USP38: variants seen among roughly 807,000 people sequenced by gnomAD.
USP38 encodes ubiquitin carboxyl-terminal hydrolase 38.
In USP38, 49 loss-of-function variants were observed where a neutral mutation model predicts 94.3. That is an observed-to-expected ratio of 0.52 (90% CI 0.41 to 0.66). USP38 has a LOEUF of 0.66. USP38 is among the 30% of genes least tolerant of loss of function. The probability of loss-of-function intolerance (pLI) is 0.00; values close to 1 mark genes in which losing one functional copy is unlikely to be tolerated. For synonymous variants in USP38, 468 were observed against 463.6 expected (o/e 1.01, Z -0.12); for missense variants, 1,128 against 1,229.4 (o/e 0.92, Z 1.23).
At chr4:143,188,022 A>G in intron 2 of USP38, 61 bp downstream of exon 2, 2 of 1,498,800 alleles carry the variant, frequency 1.3e-6, no homozygotes, top group Admixed American at 4.5e-5. Context: ...AGTATTTTGT[A>G]TTTTGTGAGT....
rs1732295716 is a variant in USP38 at position 143,220,484 on chromosome 4, C to T, written c.*28C>T. On this transcript the variant is annotated 3_prime_UTR_variant, in exon 10 of 10. Transcript: ENST00000307017. ...CTGAGAGAGTCCAAAATGCACTGGTCACGAAACGTCTAATACTATGACTGT... is the reference window on the plus strand; with the variant it reads ...CTGAGAGAGTCCAAAATGCACTGGTTACGAAACGTCTAATACTATGACTGT... The T allele has an allele frequency of 1.3e-6, 2 of 1,593,182 alleles. No individual in the cohort carries two copies. Among genetic ancestry groups the T allele is most frequent in the African/African-American group, 2.7e-5 (2 of 73,822 alleles).
intron 9 of USP38, 84 bp from the exon 10 acceptor site, chr4:143,220,211 G>A (rs1371697040): frequency 5.9e-6 from 8 of 1,344,698 alleles, no homozygotes; most frequent in Non-Finnish European, 6.9e-6. Flanking sequence ...AAGGATTAAG[G>A]TAGTTTTAAA....
At chr4:143,210,502 G>C (rs1376899678) in intron 7 of USP38, among the ~76,000 whole-genome samples, 1 of 151,890 alleles carries the variant, frequency 6.6e-6, no homozygotes, top group Admixed American at 6.6e-5. Context: ...TAGGAGAATT[G>C]CTTGAACCCA....
intron 4 of USP38, 63 bp downstream of exon 4, chr4:143,197,987 T>C: frequency 1.7e-6 from 2 of 1,191,518 alleles, no homozygotes; most frequent in Non-Finnish European, 1.2e-6. Flanking sequence ...AGTTTAATAT[T>C]GAGTCACATT....
intron 9 of USP38, among the ~76,000 whole-genome samples, chr4:143,218,208 G>A (rs1009650047): frequency 6.6e-6 from 1 of 151,842 alleles, no homozygotes; most frequent in Non-Finnish European, 1.5e-5. Flanking sequence ...ATATATATGT[G>A]CAGTTTAAAG....
Position 143,220,516 on chromosome 4 carries a change from G to A in USP38, c.*60G>A. 7.0e-7 allele frequency: 1 copy of A among 1,427,214 alleles called. No homozygotes were observed. Among genetic ancestry groups the A allele is most frequent in the Non-Finnish European group, 9.3e-7 (1 of 1,076,476 alleles). 88.4% of individuals were successfully genotyped at this position (1,427,214 alleles called of 1,614,324 possible). The stretch of plus-strand genomic sequence containing the variant: ...CGTCTAATACTATGACTGTTAAAAT[G>A]TCAGACTATAACAAATATCTATCTT... On this transcript the variant is annotated 3_prime_UTR_variant, in exon 10 of 10. Transcript: ENST00000307017.
chr4:143,200,944 G>A (rs749145754), intron 4 of USP38, among the ~76,000 whole-genome samples: 30 of 151,988 alleles, frequency 2.0e-4, no homozygotes, highest in African/African-American at 3.6e-4. Flanking sequence ...TAAAATGGCC[G>A]TACTGCCCAA....
At chr4:143,193,149 C>T (rs764662404) in intron 2 of USP38, among the ~76,000 whole-genome samples, 1 of 151,986 alleles carries the variant, frequency 6.6e-6, no homozygotes, top group African/African-American at 2.4e-5. Context: ...TTTTTATGTC[C>T]ATATTTACAT....
intron 6 of USP38, among the ~76,000 whole-genome samples, chr4:143,209,095 T>A (rs1254393961): frequency 1.0e-5 from 1 of 97,614 alleles, no homozygotes; most frequent in East Asian, 5.7e-4. Flanking sequence ...TTTGAAAGAA[T>A]TTAAGTTTAC....
intron 2 of USP38, 35 bp from the exon 3 acceptor site, chr4:143,195,681 T>C: frequency 1.3e-6 from 2 of 1,559,094 alleles, no homozygotes; most frequent in Non-Finnish European, 1.7e-6. Context: ...GAAAATATTT[T>C]CAATAATGAT....
intron 5 of USP38, chr4:143,204,511 T>G (rs921099569): frequency 2.2e-5 from 9 of 412,628 alleles, no homozygotes; most frequent in African/African-American, 1.9e-4. Flanking sequence ...TGCCTCAGCC[T>G]CCCAAGTAGC....
intron 4 of USP38, among the ~76,000 whole-genome samples, chr4:143,201,298 A>T (rs1731708370): frequency 6.6e-6 from 1 of 152,222 alleles, no homozygotes; most frequent in Admixed American, 6.5e-5. Context: ...CCTCTTCAAT[A>T]AATGGTGCTT....
intron 9 of USP38, chr4:143,215,515 C>G (rs1445085152): frequency 6.6e-6 from 1 of 151,800 alleles, no homozygotes; most frequent in African/African-American, 2.4e-5. Context: ...ATACTTTTTT[C>G]AAGGAGTTAG....
At position 143,213,999 on chromosome 4, in the gene USP38, G is replaced by GA; in HGVS notation, c.2029dup (p.Thr677AsnfsTer7). On this transcript the variant is annotated frameshift_variant, in exon 9 of 10. Transcript: ENST00000307017. LOFTEE classifies it high-confidence loss of function. ...CTTCATCTGTGACTCACTTGTGAATGAAAAAACCATAGGCAGTCCTCCTAA... is the reference window on the plus strand; with the variant it reads ...CTTCATCTGTGACTCACTTGTGAATGAAAAAAACCATAGGCAGTCCTCCTAA... The GA allele has an allele frequency of 6.2e-7, 1 of 1,613,320 alleles. No individual in the cohort carries two copies. Among genetic ancestry groups the GA allele is most frequent in the Non-Finnish European group, 8.5e-7 (1 of 1,179,760 alleles).
At position 143,214,140 on chromosome 4, in the gene USP38, C is replaced by T. The variant is rs779852664; in HGVS notation, c.2164C>T (p.Leu722=). The change falls in exon 9 of 10, where the codon CTA becomes TTA. Residue 722 remains leucine (L), a synonymous_variant. Transcript: ENST00000307017. ...GETTPSVTDL[L]NYFLAPEILT... ...AACCACACCTTCAGTAACTGACTTA[C>T]TAAATTATTTTTTGGCTCCAGAGAT... The T allele has an allele frequency of 1.2e-6, 2 of 1,612,736 alleles. No homozygotes were observed. The highest frequency in any genetic ancestry group is 2.2e-5 in the South Asian group (2 of 90,786).
At position 143,217,973 on chromosome 4, in the gene USP38, G is replaced by A. The variant is rs531108632; in HGVS notation, c.2968-2322G>A. ...TTAGGAGTATCTCCATTGTTTTAAT[G>A]TCTGGAATATAAAAACTAAGCCTTT... On this transcript the variant is annotated intron_variant, in intron 9 of 9. Coordinates refer to ENST00000307017, the MANE Select transcript of USP38 (RefSeq NM_032557.6). Among the ~76,000 whole-genome samples, 7 of 152,076 alleles carry A rather than the reference G, an allele frequency of 4.6e-5. No homozygotes were observed. The East Asian group carries it at 7.7e-4, about 17-fold the overall frequency.
At chr4:143,205,815 T>G (rs1490629831) in intron 5 of USP38, among the ~76,000 whole-genome samples, 1 of 152,196 alleles carries the variant, frequency 6.6e-6, no homozygotes, top group Non-Finnish European at 1.5e-5. Flanking sequence ...ATTCCTTAAC[T>G]TGATAAAATC....
intron 5 of USP38, among the ~76,000 whole-genome samples, chr4:143,205,355 A>G (rs1199023198): frequency 1.3e-5 from 2 of 152,182 alleles, no homozygotes; most frequent in African/African-American, 4.8e-5. Flanking sequence ...GATTTTACCA[A>G]CTTCCCTTAC....
At position 143,222,789 on chromosome 4, in the gene USP38, C is replaced by T. The variant is rs1012417531; in HGVS notation, c.*2333C>T. ...TGAACTTTTTTAGTAAGGTAATACT[C>T]AGGACTGTTCTGATTCTAACAGATC... On this transcript the variant is annotated 3_prime_UTR_variant, in exon 10 of 10. Coordinates refer to ENST00000307017, the MANE Select transcript of USP38 (RefSeq NM_032557.6). 6.6e-6 allele frequency: 1 copy of T among 152,074 alleles called. No individual in the cohort carries two copies. Among genetic ancestry groups the T allele is most frequent in the Non-Finnish European group, 1.5e-5 (1 of 67,958 alleles). The allele number at this position is 152,074 out of a possible 1,614,324, so 9.4% of individuals were successfully genotyped here.
Sources: gnomAD v4.1 joint callset for allele counts (sites outside exome capture counted in the v4.1 genomes callset) on GRCh38, gnomAD v4.1.1 for gene constraint, MANE v1.5 for transcripts, NCBI Gene and HGNC (gene_info 2026-07-23, HGNC 2026-07-21) for gene names.